Variants in AVL9 observed in about 807,000 individuals in gnomAD.
The protein encoded by AVL9 is late secretory pathway protein AVL9 homolog.
A neutral mutation model predicts 79.2 loss-of-function variants in AVL9; 49 were observed. The observed-to-expected ratio is 0.62, with a 90% CI of 0.49 to 0.79. The LOEUF is 0.79. AVL9 is among the 30% of genes least tolerant of loss of function. AVL9 has a pLI of 0.00. For synonymous variants in AVL9, 299 were observed against 280.6 expected (o/e 1.07, Z -0.65); for missense variants, 682 against 776.8 (o/e 0.88, Z 1.45).
At chr7:32,525,701 A>G (rs2128126033) in intron 1 of AVL9, among the ~76,000 whole-genome samples, 1 of 152,306 alleles carries the variant, frequency 6.6e-6, no homozygotes, top group Non-Finnish European at 1.5e-5. Context: ...CTAATGGAAT[A>G]GGTTTATTTT....
chr7:32,506,506 T>G (rs1597555), intron 1 of AVL9, among the ~76,000 whole-genome samples: 53,268 of 152,012 alleles, frequency 0.35, 9,666 homozygotes, highest in East Asian at 0.48. Flanking sequence ...GTGTAAGATT[T>G]CATCATGCTC....
rs1361507027 is a variant in AVL9 at position 32,576,042 on chromosome 7, A to G, written c.1658A>G (p.Lys553Arg). The G allele has an allele frequency of 6.2e-7, 1 of 1,614,012 alleles. No homozygotes were observed. Among genetic ancestry groups the G allele is most frequent in the Admixed American group, 1.7e-5 (1 of 60,014 alleles). The change falls in exon 13 of 16, where the codon AAG becomes AGG. Residue 553 changes from lysine to arginine, a missense_variant. Lys to Arg is a conservative substitution (Grantham distance 26). Coordinates refer to ENST00000318709, the MANE Select transcript of AVL9 (RefSeq NM_015060.3). ...AACTACAGGGTGTGGAACAGCAACA[A>G]GCATCCAGCACTTGCAGAAATAAAT... ...THNYRVWNSNKHPALAEINPN... is the reference protein window; with the variant it reads ...THNYRVWNSNRHPALAEINPN...
chr7:32,545,167 C>T (rs1240910210), intron 3 of AVL9, among the ~76,000 whole-genome samples: 9 of 151,104 alleles, frequency 6.0e-5, no homozygotes, highest in African/African-American at 2.2e-4. Context: ...AAGACAGGGC[C>T]TTGCTATTTT....
chr7:32,547,554 G>C (rs1448249903), intron 3 of AVL9, among the ~76,000 whole-genome samples: 1 of 152,064 alleles, frequency 6.6e-6, no homozygotes, highest in Non-Finnish European at 1.5e-5. Context: ...AACAGCCCTC[G>C]TGCTCTGCAT....
rs10610945 is a variant in AVL9 at position 32,545,364 on chromosome 7, C to CTTTTTTTTTTTTTTTTT, written c.300+594_300+610dup. ...GCTGTCCTATTTATCTCTAAGATTT[C>CTTTTTTTTTTTTTTTTT]TTTTTTTTTTTTTTTTTTTTTTTTT... On this transcript the variant is annotated intron_variant, in intron 3 of 15. Coordinates refer to ENST00000318709, the MANE Select transcript of AVL9 (RefSeq NM_015060.3). Among the ~76,000 whole-genome samples, 6 of 73,348 alleles carry CTTTTTTTTTTTTTTTTT rather than the reference C, an allele frequency of 8.2e-5. 1 individual carries two copies. Among genetic ancestry groups the CTTTTTTTTTTTTTTTTT allele is most frequent in the African/African-American group, 2.7e-4 (5 of 18,206 alleles). 48.1% of individuals were successfully genotyped at this position (73,348 alleles called of 152,430 possible). A position where few individuals can be genotyped will look rare whatever the true frequency, so the allele number is the denominator to read the frequency against.
intron 1 of AVL9, among the ~76,000 whole-genome samples, chr7:32,512,696 C>T (rs756227208): frequency 2.0e-5 from 3 of 152,194 alleles, no homozygotes; most frequent in Non-Finnish European, 2.9e-5. Context: ...ACTCTCTGCC[C>T]ATTGAAACTG....
chr7:32,547,634 A>G (rs1027813122), intron 3 of AVL9, among the ~76,000 whole-genome samples: 4 of 152,136 alleles, frequency 2.6e-5, no homozygotes, highest in Admixed American at 6.5e-5. Context: ...AGAGTTGCCC[A>G]TTTTCCCAGT....
At position 32,544,844 on chromosome 7, in the gene AVL9, A is replaced by C. The variant is rs185962886; in HGVS notation, c.300+65A>C. The stretch of plus-strand genomic sequence containing the variant: ...TCTTAGATGTTGGACACTTAAACAC[A>C]GTCTTTATTTTTCAGTGGTGCCTGT... On this transcript the variant is annotated intron_variant, in intron 3 of 15. Transcript: ENST00000318709. 12 of 1,207,008 alleles carry C rather than the reference A, an allele frequency of 9.9e-6. 1 individual carries two copies. The African/African-American group carries it at 1.7e-4, about 17-fold the overall frequency. 74.8% of individuals were successfully genotyped at this position (1,207,008 alleles called of 1,614,324 possible). A position where few individuals can be genotyped will look rare whatever the true frequency, so the allele number is the denominator to read the frequency against.
intron 1 of AVL9, among the ~76,000 whole-genome samples, chr7:32,503,193 G>T (rs1787217162): frequency 6.6e-6 from 1 of 151,242 alleles, no homozygotes; most frequent in Admixed American, 6.6e-5. Flanking sequence ...TTCAAATATG[G>T]GCCAGGTGCG....
At chr7:32,548,120 A>G (rs1387187105) in intron 3 of AVL9, among the ~76,000 whole-genome samples, 1 of 143,286 alleles carries the variant, frequency 7.0e-6, no homozygotes, top group Non-Finnish European at 1.5e-5. Context: ...TCTCTGGAGA[A>G]CAAGCTGTCT....
intron 10 of AVL9, among the ~76,000 whole-genome samples, chr7:32,561,043 C>T (rs1790309346): frequency 6.6e-6 from 1 of 152,110 alleles, no homozygotes; most frequent in South Asian, 2.1e-4. Flanking sequence ...TGCTGTCATC[C>T]AGGCTTTGTT....
Position 32,495,630 on chromosome 7 carries a change from GGC to G in AVL9, c.-79_-78del, listed in dbSNP as rs1349095508. Reference sequence around the variant, plus strand: ...GTGCTCGCTGACACCCGAAGTCCGCGGCTTTCCGCACACGGTGGGGTCGTCAG... The same window carrying G: ...GTGCTCGCTGACACCCGAAGTCCGCGTTTCCGCACACGGTGGGGTCGTCAG... On this transcript the variant is annotated 5_prime_UTR_variant, in exon 1 of 16. Coordinates refer to ENST00000318709, the MANE Select transcript of AVL9 (RefSeq NM_015060.3). 2 of 988,086 alleles carry G rather than the reference GGC, an allele frequency of 2.0e-6. No homozygotes were observed. The highest frequency in any genetic ancestry group is 3.4e-5 in the African/African-American group (2 of 59,368). 61.2% of individuals were successfully genotyped at this position (988,086 alleles called of 1,614,324 possible). A position where few individuals can be genotyped will look rare whatever the true frequency, so the allele number is the denominator to read the frequency against.
rs1409705256 is a variant in AVL9 at position 32,548,190 on chromosome 7, C to T, written c.301-657C>T. ...TGAGACGGAGTCTCACTCTTTCGCC[C>T]AGGCTGGAGTGCAGTGGCGTGATCT... On this transcript the variant is annotated intron_variant, in intron 3 of 15. Coordinates refer to ENST00000318709, the MANE Select transcript of AVL9 (RefSeq NM_015060.3). 2.7e-5 allele frequency among the ~76,000 whole-genome samples: 3 copies of T among 110,634 alleles called. No homozygotes were observed. In the South Asian group the frequency reaches 8.8e-4, roughly 32 times the overall value. The allele number at this position is 110,634 out of a possible 152,430, so 72.6% of individuals were successfully genotyped here.
chr7:32,520,466 C>T (rs574297069), intron 1 of AVL9, among the ~76,000 whole-genome samples: 1 of 152,228 alleles, frequency 6.6e-6, no homozygotes, highest in Non-Finnish European at 1.5e-5. Context: ...GAGGTTATTC[C>T]TGAGATAACA....
chr7:32,558,306 T>A (rs1014131579), intron 8 of AVL9, among the ~76,000 whole-genome samples: 1 of 151,890 alleles, frequency 6.6e-6, no homozygotes, highest in Non-Finnish European at 1.5e-5. Flanking sequence ...CACAGGCGTG[T>A]GCCACCATGC....
intron 1 of AVL9, among the ~76,000 whole-genome samples, chr7:32,519,163 T>G (rs1411457033): frequency 6.6e-6 from 1 of 152,214 alleles, no homozygotes; most frequent in Non-Finnish European, 1.5e-5. Context: ...GCATGGTGGC[T>G]CACGCCTGTA....
intron 1 of AVL9, chr7:32,531,937 CT>C: frequency 6.6e-6 from 1 of 152,364 alleles, no homozygotes; most frequent in Non-Finnish European, 1.5e-5. Flanking sequence ...GGCCCTCTGC[CT>C]TTTTGCATGA....
At chr7:32,515,727 G>T (rs1048480043) in intron 1 of AVL9, among the ~76,000 whole-genome samples, 3 of 152,078 alleles carry the variant, frequency 2.0e-5, no homozygotes, top group Non-Finnish European at 4.4e-5. Context: ...CTGTTATAGC[G>T]CTCAGTAATC....
Position 32,583,883 on chromosome 7 carries a change from T to C in AVL9, c.1923T>C (p.Thr641=). 1.2e-6 allele frequency: 2 copies of C among 1,613,988 alleles called. No individual in the cohort carries two copies. The highest frequency in any genetic ancestry group is 2.2e-5 in the South Asian group (2 of 91,080). The change falls in exon 16 of 16, where the codon ACT becomes ACC. Residue 641 remains threonine, a synonymous_variant. Coordinates refer to ENST00000318709, the MANE Select transcript of AVL9 (RefSeq NM_015060.3). ...TFTTSTSQSL[T]EPPDEKP ...CCACTTCCACCTCCCAAAGTCTCACTGAGCCACCAGATGAGAAGCCTTGAG... is the reference window on the plus strand; with the variant it reads ...CCACTTCCACCTCCCAAAGTCTCACCGAGCCACCAGATGAGAAGCCTTGAG...
Sources: gnomAD v4.1 joint callset for allele counts (sites outside exome capture counted in the v4.1 genomes callset) on GRCh38, gnomAD v4.1.1 for gene constraint, MANE v1.5 for transcripts, NCBI Gene and HGNC (gene_info 2026-07-23, HGNC 2026-07-21) for gene names.